Variants in CAPZB observed in about 807,000 individuals in gnomAD.
The protein encoded by CAPZB is F-actin-capping protein subunit beta.
CAPZB carries 2 observed loss-of-function variants against 38.1 expected under a neutral mutation model. The observed-to-expected ratio is 0.05, with a 90% CI of 0.02 to 0.17. The LOEUF is 0.17. CAPZB is among the 10% of genes least tolerant of loss of function. CAPZB has a pLI of 1.00. For synonymous variants in CAPZB, 107 were observed against 127.4 expected (o/e 0.84, Z 1.08); for missense variants, 161 against 334.2 (o/e 0.48, Z 4.04).
chr1:19,485,531 A>C lies in CAPZB; in HGVS notation c.-93T>G, dbSNP rs1394101810. ...GCTTCCACTTCCCCGGGTGCCCAGG[A>C]GTGAACATCCGGGTCAGCACCCCCC... On this transcript the variant is annotated 5_prime_UTR_variant, in exon 1 of 9. Transcript: ENST00000264202. The C allele has an allele frequency of 6.5e-6, 7 of 1,069,072 alleles. No homozygotes were observed. The highest frequency in any genetic ancestry group is 7.1e-6 in the Non-Finnish European group (6 of 842,612). 66.2% of individuals were successfully genotyped at this position (1,069,072 alleles called of 1,614,324 possible).
chr1:19,461,235 A>G (rs2094550961), intron 1 of CAPZB, among the ~76,000 whole-genome samples: 1 of 152,142 alleles, frequency 6.6e-6, no homozygotes, highest in Non-Finnish European at 1.5e-5. Context: ...CCCAGCTAGT[A>G]AGCAGGGGGT....
chr1:19,343,047 G>A (rs997600658), intron 8 of CAPZB, among the ~76,000 whole-genome samples: 1 of 152,162 alleles, frequency 6.6e-6, no homozygotes, highest in African/African-American at 2.4e-5. Context: ...GGCGGTGGTC[G>A]TGGTATTCAG....
At chr1:19,466,868 G>A (rs1473912915) in intron 1 of CAPZB, among the ~76,000 whole-genome samples, 4 of 152,164 alleles carry the variant, frequency 2.6e-5, no homozygotes, top group African/African-American at 9.7e-5. Context: ...TGCTTACGAA[G>A]AGGCTAGATA....
In CAPZB at chr1:19,357,425, C is replaced by T; in HGVS notation, c.468G>A (p.Val156=). Residue 156 remains valine (V), a synonymous_variant, in exon 5 of 9, where the codon GTG becomes GTA. Transcript: ENST00000264202. This position sits in a 1 kb window ranked among gnomAD's most constrained non-coding sequence, Gnocchi z 4.3. ...GCWDSIHVVE[V]QEKSSGRTAH... ...ACCAGCTGCTGGGAGGCAGTACCTG[C>T]ACTTCTACCACGTGGATGGAATCCC... 1.2e-6 allele frequency: 2 copies of T among 1,613,840 alleles called. No homozygotes were observed. The highest frequency in any genetic ancestry group is 2.2e-5 in the South Asian group (2 of 91,066).
At chr1:19,471,574 T>C (rs1337727010) in intron 1 of CAPZB, among the ~76,000 whole-genome samples, 1 of 151,654 alleles carries the variant, frequency 6.6e-6, no homozygotes, top group Non-Finnish European at 1.5e-5. Context: ...CGTCGAGAAA[T>C]GCTTCCTCGG....
chr1:19,385,157 C>T (rs2094196990), intron 3 of CAPZB, among the ~76,000 whole-genome samples: 2 of 152,156 alleles, frequency 1.3e-5, no homozygotes, highest in African/African-American at 2.4e-5. Context: ...CACTGCCCTC[C>T]GCAGGACTGA....
chr1:19,345,138 T>A (rs779540120), intron 7 of CAPZB, 49 bp downstream of exon 7: 6 of 1,403,422 alleles, frequency 4.3e-6, no homozygotes, highest in Non-Finnish European at 6.1e-6. Context: ...GGCTGCAGTG[T>A]CACTGCTGTG....
chr1:19,459,177 A>G (rs2094542539), intron 1 of CAPZB, among the ~76,000 whole-genome samples: 1 of 152,222 alleles, frequency 6.6e-6, no homozygotes, highest in Non-Finnish European at 1.5e-5. Context: ...GCCTGAGGAC[A>G]AGGCTAATTT....
intron 1 of CAPZB, among the ~76,000 whole-genome samples, chr1:19,430,995 T>C (rs1459466379): frequency 6.6e-6 from 1 of 152,074 alleles, no homozygotes; most frequent in East Asian, 1.9e-4. Flanking sequence ...CCTCCACCTG[T>C]CCAACTTTAA....
At chr1:19,409,711 T>C (rs904407033) in intron 2 of CAPZB, among the ~76,000 whole-genome samples, 1 of 152,234 alleles carries the variant, frequency 6.6e-6, no homozygotes, top group African/African-American at 2.4e-5. Context: ...GCAGGTGTTC[T>C]CAGATTTAAA....
intron 1 of CAPZB, among the ~76,000 whole-genome samples, chr1:19,464,592 C>G (rs4481878): frequency 1.3e-5 from 2 of 151,832 alleles, no homozygotes; most frequent in African/African-American, 2.4e-5. Flanking sequence ...GCACCCGGCC[C>G]TATCTGTGAA....
At chr1:19,352,957 G>T (rs1479388525) in intron 6 of CAPZB, among the ~76,000 whole-genome samples, 1 of 152,250 alleles carries the variant, frequency 6.6e-6, no homozygotes, top group Non-Finnish European at 1.5e-5. Context: ...GGGCACGAGT[G>T]GGCACAGGGC....
intron 4 of CAPZB, among the ~76,000 whole-genome samples, chr1:19,361,305 G>A (rs2094051506): frequency 6.6e-6 from 1 of 152,172 alleles, no homozygotes; most frequent in African/African-American, 2.4e-5. Context: ...GCTGAGACCT[G>A]GCCTCTGCAG....
chr1:19,343,926 G>A (rs1030499697), intron 8 of CAPZB, among the ~76,000 whole-genome samples: 14 of 152,200 alleles, frequency 9.2e-5, no homozygotes, highest in African/African-American at 2.2e-4. Flanking sequence ...GAGAAGGCCC[G>A]GACTGAGGGC....
chr1:19,468,583 A>G (rs2094576128), intron 1 of CAPZB, among the ~76,000 whole-genome samples: 1 of 152,066 alleles, frequency 6.6e-6, no homozygotes, highest in African/African-American at 2.4e-5. Flanking sequence ...AGGGCAGGGC[A>G]GAGCAGGGCA....
intron 1 of CAPZB, among the ~76,000 whole-genome samples, chr1:19,431,174 T>C (rs543086805): frequency 1.3e-5 from 2 of 152,330 alleles, no homozygotes; most frequent in African/African-American, 2.4e-5. Flanking sequence ...CTTCTGCTTA[T>C]ACAGGTTGAA....
At chr1:19,459,792 C>T (rs936653191) in intron 1 of CAPZB, among the ~76,000 whole-genome samples, 2 of 152,200 alleles carry the variant, frequency 1.3e-5, no homozygotes, top group Admixed American at 6.5e-5. Context: ...AAATTTCCCA[C>T]GGCTCTGAGT....
rs1041497698 is a variant in CAPZB, at chr1:19,356,933, G to A, written c.472-182C>T. 3.3e-5 allele frequency among the ~76,000 whole-genome samples: 5 copies of A among 151,812 alleles called. No individual in the cohort carries two copies. Among genetic ancestry groups the A allele is most frequent in the African/African-American group, 1.2e-4 (5 of 41,278 alleles). On this transcript the variant is annotated intron_variant, in intron 5 of 8. Transcript: ENST00000264202. This position sits in a 1 kb window ranked among gnomAD's most constrained non-coding sequence, Gnocchi z 4.3. ...CTGGAGTGCAGTGGTGCGATCTCAA[G>A]TCACTGCAGCCTCCACCTCCCAGGT... is the stretch of plus-strand genomic sequence containing the variant.
chr1:19,479,943 T>G (rs1558299483), intron 1 of CAPZB, among the ~76,000 whole-genome samples: 2 of 152,086 alleles, frequency 1.3e-5, no homozygotes, highest in Non-Finnish European at 2.9e-5. Context: ...TTTGTGCCAG[T>G]CCCCTTGACC....
Sources: gnomAD v4.1 joint callset for allele counts (sites outside exome capture counted in the v4.1 genomes callset) on GRCh38, gnomAD v4.1.1 for gene constraint, Gnocchi (gnomAD v3.1) non-coding constraint, MANE v1.5 for transcripts, NCBI Gene and HGNC (gene_info 2026-07-23, HGNC 2026-07-21) for gene names.